Variants in FMNL2 observed in about 807,000 individuals in gnomAD.
The protein encoded by FMNL2 is formin like 2.
Under a neutral mutation model 130.2 loss-of-function variants are expected in FMNL2, and 51 were observed. That is an observed-to-expected ratio of 0.39 (90% CI 0.31 to 0.49). The LOEUF is 0.49. Among genes scored for constraint, FMNL2 ranks in the 20% least tolerant of loss-of-function variants. FMNL2 has a pLI of 0.85. For synonymous variants in FMNL2, 465 were observed against 467.1 expected, an observed-to-expected ratio of 1.00 and a Z score of 0.06; for missense variants, 977 against 1,316.2, an observed-to-expected ratio of 0.74 and a Z score of 3.99.
At chr2:152,617,240 A>T (rs548429611) in intron 13 of FMNL2, 48 bp downstream of exon 13, 4 of 1,548,702 alleles carry the variant, frequency 2.6e-6, no homozygotes, top group South Asian at 1.1e-5. Flanking sequence ...TAGGGAATGT[A>T]CTCCAGCTTT....
intron 14 of FMNL2, 117 bp from the exon 15 acceptor site, chr2:152,619,392 A>G: frequency 6.8e-7 from 1 of 1,466,098 alleles, no homozygotes; most frequent in Non-Finnish European, 9.1e-7. Flanking sequence ...GTTTTTGAAA[A>G]CAGTCCTTTG....
At chr2:152,616,982 C>T (rs1258703320) in intron 12 of FMNL2, 109 bp from the exon 13 acceptor site, 10 of 822,860 alleles carry the variant, frequency 1.2e-5, no homozygotes, top group Non-Finnish European at 1.9e-5. Context: ...ACTTGCGGAA[C>T]ACATGCAGGG....
intron 15 of FMNL2, 144 bp downstream of exon 15, chr2:152,619,862 G>T: frequency 1.4e-6 from 2 of 1,439,562 alleles, no homozygotes. Flanking sequence ...TGATGTAGCC[G>T]ATAGAGGGAA....
At chr2:152,415,175 A>C (rs971940977) in intron 1 of FMNL2, among the ~76,000 whole-genome samples, 3 of 152,098 alleles carry the variant, frequency 2.0e-5, no homozygotes, top group South Asian at 2.1e-4. Flanking sequence ...CATTAAAAAA[A>C]AAAAACAAAA....
intron 1 of FMNL2, among the ~76,000 whole-genome samples, chr2:152,339,324 C>T (rs142932980): frequency 1.0e-3 from 152 of 152,282 alleles, no homozygotes; most frequent in Non-Finnish European, 1.0e-3. Flanking sequence ...ATACACACAT[C>T]CACAAATACT....
intron 11 of FMNL2, among the ~76,000 whole-genome samples, chr2:152,612,526 G>A (rs1426467513): frequency 6.6e-6 from 1 of 152,158 alleles, no homozygotes; most frequent in Non-Finnish European, 1.5e-5. Flanking sequence ...TGTCTAAAAC[G>A]GAAAAGAAGT....
chr2:152,519,109 C>T (rs577308368), intron 1 of FMNL2, among the ~76,000 whole-genome samples: 1 of 152,250 alleles, frequency 6.6e-6, no homozygotes, highest in African/African-American at 2.4e-5. Context: ...TTCACTGTGC[C>T]CAGTGTGCTT....
chr2:152,402,879 CTTAATGT>C (rs1386213005), intron 1 of FMNL2, among the ~76,000 whole-genome samples: 2 of 152,236 alleles, frequency 1.3e-5, no homozygotes, highest in Non-Finnish European at 2.9e-5. Flanking sequence ...TCAGTTGATA[CTTAATGT>C]TCTTTTTCGG....
chr2:152,544,995 A>G lies in FMNL2; in HGVS notation c.282+2176A>G, dbSNP rs185943023. On this transcript the variant is annotated intron_variant, in intron 3 of 25. Transcript: ENST00000288670. ...GTCTGTTTGGGCCTTCATTCCCGAC[A>G]TTTCTGCCCTGGCCCATGTGCGTTC... 2.5e-4 allele frequency among the ~76,000 whole-genome samples: 38 copies of G among 152,178 alleles called. No homozygotes were observed. In the East Asian group the frequency reaches 5.2e-3, roughly 21 times the overall value.
chr2:152,459,196 T>A (rs1370790535), intron 1 of FMNL2, among the ~76,000 whole-genome samples: 1 of 152,194 alleles, frequency 6.6e-6, no homozygotes. Context: ...TTTGAGAACA[T>A]ATGGAGAGAA....
At chr2:152,525,214 G>A (rs11904088) in intron 2 of FMNL2, among the ~76,000 whole-genome samples, 58,841 of 151,998 alleles carry the variant, frequency 0.39, 11,549 homozygotes, top group East Asian at 0.56. Flanking sequence ...AGTAGGTAAG[G>A]GTTTCTTACC....
chr2:152,593,440 C>T (rs1697542832), intron 9 of FMNL2, among the ~76,000 whole-genome samples: 1 of 152,048 alleles, frequency 6.6e-6, no homozygotes, highest in African/African-American at 2.4e-5. Context: ...TATTGTGTAG[C>T]TCTGCAGAAA....
chr2:152,359,838 G>A (rs1166095466), intron 1 of FMNL2, among the ~76,000 whole-genome samples: 1 of 152,122 alleles, frequency 6.6e-6, no homozygotes, highest in Non-Finnish European at 1.5e-5. Flanking sequence ...TTTACTGTGC[G>A]ATGTTTCATG....
chr2:152,491,480 T>A (rs185277243), intron 1 of FMNL2, among the ~76,000 whole-genome samples: 1 of 152,370 alleles, frequency 6.6e-6, no homozygotes, highest in East Asian at 1.9e-4. Flanking sequence ...GCTGGGTCTC[T>A]GGATCACTAA....
intron 5 of FMNL2, 91 bp from the exon 6 acceptor site, chr2:152,560,792 A>T (rs1695477726): frequency 8.3e-7 from 1 of 1,211,482 alleles, no homozygotes; most frequent in Non-Finnish European, 1.1e-6. Flanking sequence ...TAAGGTGCAG[A>T]TGTCTTGTAG....
intron 3 of FMNL2, among the ~76,000 whole-genome samples, chr2:152,548,218 A>G (rs1477410777): frequency 6.6e-6 from 1 of 152,136 alleles, no homozygotes; most frequent in African/African-American, 2.4e-5. Flanking sequence ...TTATTTTTGC[A>G]ACGTGTTAGG....
intron 1 of FMNL2, among the ~76,000 whole-genome samples, chr2:152,441,037 A>G (rs1378522713): frequency 6.6e-6 from 1 of 152,240 alleles, no homozygotes; most frequent in Non-Finnish European, 1.5e-5. Context: ...GGTGATTTCT[A>G]TAGTCTTAAC....
chr2:152,394,456 A>G (rs1285536469), intron 1 of FMNL2, among the ~76,000 whole-genome samples: 2 of 152,006 alleles, frequency 1.3e-5, no homozygotes, highest in East Asian at 3.9e-4. Flanking sequence ...CCCACTTTTC[A>G]TTTATGTTCA....
At chr2:152,608,145 G>A (rs1013049811) in intron 10 of FMNL2, among the ~76,000 whole-genome samples, 3 of 151,964 alleles carry the variant, frequency 2.0e-5, no homozygotes, top group South Asian at 2.1e-4. Context: ...ATCTGTAGGC[G>A]TTGACCCAAT....
Sources: allele counts gnomAD v4.1 joint callset (sites outside exome capture counted in the v4.1 genomes callset), GRCh38; gene constraint gnomAD v4.1.1; transcripts MANE v1.5; gene names NCBI Gene and HGNC (gene_info 2026-07-23, HGNC 2026-07-21).